The following CEP89 variants were observed in gnomAD, a reference collection of about 807,000 sequenced individuals.
The protein encoded by CEP89 is centrosomal protein 89.
In CEP89, 95 loss-of-function variants were observed where a neutral mutation model predicts 97.6. The observed-to-expected ratio is 0.97, with a 90% CI of 0.82 to 1.15. The LOEUF (loss-of-function observed/expected upper bound fraction) is 1.15, where lower values mean the gene tolerates loss of function less well. Ranked by LOEUF, CEP89 falls within the 50% of genes most tolerant of loss-of-function variation. The probability of loss-of-function intolerance (pLI) is 0.00; values close to 1 mark genes in which losing one functional copy is unlikely to be tolerated. For missense variants in CEP89, 869 were observed against 947.7 expected (o/e 0.92, Z 1.09); for synonymous variants, 354 against 349.1 (o/e 1.01, Z -0.16).
At position 32,924,953 on chromosome 19, in the gene CEP89, A is replaced by G. The variant is rs1447113910; in HGVS notation, c.1164+1237T>C. Among the ~76,000 whole-genome samples, 4 of 152,214 alleles carry G rather than the reference A, an allele frequency of 2.6e-5. 1 individual carries two copies. Among genetic ancestry groups the G allele is most frequent in the African/African-American group, 9.6e-5 (4 of 41,454 alleles). ...CTGACTTAGAAGGAGCACCAAAAAA[A>G]TAATATTATTAGCTATTAGGATTGT... On this transcript the variant is annotated intron_variant, in intron 11 of 18. Transcript: ENST00000305768.
At chr19:32,899,211 G>A (rs1043902411) in intron 16 of CEP89, among the ~76,000 whole-genome samples, 5 of 150,212 alleles carry the variant, frequency 3.3e-5, no homozygotes, top group African/African-American at 9.8e-5. Context: ...GCTCACTGCA[G>A]CCTTCAACTC....
At position 32,881,920 on chromosome 19, in the gene CEP89, G is replaced by A. The variant is rs370350519; in HGVS notation, c.2059C>T (p.Arg687Trp). Residue 687 changes from arginine to tryptophan, a missense_variant, in exon 18 of 19, where the codon CGG becomes TGG. By Grantham distance (101) the Arg-to-Trp change is moderately radical (BLOSUM62 -3). Transcript: ENST00000305768. ...TGGTGCAGGTGCCGCATCTCCTGCC[G>A]GTACTGGGCTGTCTTGCCGGCGAAG... The part of the protein sequence containing the change: ...EDFAGKTAQY[R>W]QEMRHLHQVL... The A allele has an allele frequency of 1.8e-5, 29 of 1,605,066 alleles. No homozygotes were observed. Among genetic ancestry groups the A allele is most frequent in the African/African-American group, 5.3e-5 (4 of 74,840 alleles).
chr19:32,900,098 T>C (rs1258507172), intron 15 of CEP89, 100 bp from the exon 16 acceptor site: 15 of 1,099,386 alleles, frequency 1.4e-5, no homozygotes, highest in South Asian at 1.3e-4. Context: ...TATGTTAGCA[T>C]TTAAATGCTA....
intron 16 of CEP89, 51 bp from the exon 17 acceptor site, chr19:32,887,892 T>C: frequency 2.9e-6 from 3 of 1,050,292 alleles, no homozygotes; most frequent in Non-Finnish European, 4.4e-6. Flanking sequence ...AAAATTGAAA[T>C]AACAAACAAT....
At chr19:32,946,417 C>A (rs1199026186) in intron 5 of CEP89, among the ~76,000 whole-genome samples, 4 of 152,194 alleles carry the variant, frequency 2.6e-5, no homozygotes, top group Admixed American at 2.6e-4. Context: ...AGAACCAAAT[C>A]TGGGGACATA....
At position 32,916,138 on chromosome 19, in the gene CEP89, C is replaced by A. The variant is rs570886160; in HGVS notation, c.1385-621G>T. The stretch of plus-strand genomic sequence containing the variant: ...CATAAAAATTTAAAAATTAGCAGGG[C>A]ATGGTGACATGCGTCTGTGGTCCCA... On this transcript the variant is annotated intron_variant, in intron 13 of 18. Transcript: ENST00000305768. Among the ~76,000 whole-genome samples the A allele has an allele frequency of 1.3e-4, 20 of 151,864 alleles. No homozygotes were observed. The East Asian group carries it at 1.4e-3, about 10-fold the overall frequency.
At chr19:32,937,737 C>G in intron 6 of CEP89, 64 bp from the exon 7 acceptor site, 1 of 1,135,738 alleles carries the variant, frequency 8.8e-7, no homozygotes, top group Non-Finnish European at 1.3e-6. Flanking sequence ...AGTGGACACA[C>G]GCAGCTAGGT....
intron 5 of CEP89, among the ~76,000 whole-genome samples, chr19:32,940,621 G>A (rs560554387): frequency 6.6e-6 from 1 of 152,306 alleles, no homozygotes; most frequent in South Asian, 2.1e-4. Context: ...GAAGCAAACT[G>A]TCTCAACGAC....
chr19:32,946,894 C>A (rs1371418968), intron 5 of CEP89, among the ~76,000 whole-genome samples: 6 of 152,034 alleles, frequency 3.9e-5, no homozygotes, highest in African/African-American at 1.4e-4. Flanking sequence ...TCTTTATCAG[C>A]AGCGTGAAAA....
rs188531333 is a variant in CEP89 at position 32,940,116 on chromosome 19, C to T, written c.596-231G>A. ...ATGCCTGACCACCATCCGTGGCTCA[C>T]GTGGCTGCAGAACCAAAGCCAAACT... On this transcript the variant is annotated intron_variant, in intron 5 of 18. Transcript: ENST00000305768. 1.2e-4 allele frequency among the ~76,000 whole-genome samples: 19 copies of T among 152,284 alleles called. 1 individual carries two copies. Among genetic ancestry groups the T allele is most frequent in the East Asian group, 9.7e-4 (5 of 5,178 alleles).
chr19:32,929,721 G>A (rs560883048), intron 9 of CEP89, among the ~76,000 whole-genome samples: 3 of 152,320 alleles, frequency 2.0e-5, no homozygotes, highest in African/African-American at 7.2e-5. Context: ...GGCTGTCCCT[G>A]GGCCTGTCTG....
At chr19:32,880,639 T>TA (rs60785987) in intron 18 of CEP89, among the ~76,000 whole-genome samples, 7,542 of 137,604 alleles carry the variant, frequency 0.055, 231 homozygotes, top group South Asian at 0.15. Context: ...ACCTTGTATT[T>TA]AAAAAAAAAA....
At chr19:32,938,622 A>G (rs1470599898) in intron 6 of CEP89, among the ~76,000 whole-genome samples, 2 of 152,184 alleles carry the variant, frequency 1.3e-5, no homozygotes, top group Non-Finnish European at 2.9e-5. Flanking sequence ...CTTAAGTTAG[A>G]ACTATTTCCA....
chr19:32,967,344 C>T (rs1037376811), intron 1 of CEP89, among the ~76,000 whole-genome samples: 22 of 152,210 alleles, frequency 1.4e-4, no homozygotes, highest in Admixed American at 1.1e-3. Flanking sequence ...TTTCTTGGCA[C>T]GAGCCATTCA....
intron 1 of CEP89, 177 bp downstream of exon 1, chr19:32,971,659 A>C (rs1276679653): frequency 8.3e-6 from 1 of 120,340 alleles, no homozygotes; most frequent in Non-Finnish European, 1.5e-5. Context: ...CCTGTTTCTT[A>C]AAAAAAAAAA....
At chr19:32,924,964 A>G (rs747186968) in intron 11 of CEP89, among the ~76,000 whole-genome samples, 11 of 152,164 alleles carry the variant, frequency 7.2e-5, no homozygotes, top group Non-Finnish European at 1.5e-4. Context: ...TAATATTATT[A>G]GCTATTAGGA....
At chr19:32,917,767 A>G (rs1970158039) in intron 13 of CEP89, 1 of 983,432 alleles carries the variant, frequency 1.0e-6, no homozygotes, top group Admixed American at 6.1e-5. Context: ...AAGGTGTTTG[A>G]TGGAAATCTA....
At chr19:32,910,342 C>T (rs1182932113) in intron 14 of CEP89, among the ~76,000 whole-genome samples, 2 of 151,424 alleles carry the variant, frequency 1.3e-5, no homozygotes, top group Non-Finnish European at 2.9e-5. Context: ...AAATGGTACA[C>T]CTGTACAGGG....
At chr19:32,947,974 TA>T (rs571192060) in intron 5 of CEP89, among the ~76,000 whole-genome samples, 346 of 152,324 alleles carry the variant, frequency 2.3e-3, no homozygotes, top group African/African-American at 8.1e-3. Flanking sequence ...CTGATGTTTT[TA>T]TTTTTACTTT....
Sources: allele counts gnomAD v4.1 joint callset (sites outside exome capture counted in the v4.1 genomes callset), GRCh38; gene constraint gnomAD v4.1.1; transcripts MANE v1.5; gene names NCBI Gene and HGNC (gene_info 2026-07-23, HGNC 2026-07-21).